Variants in PARN observed in about 807,000 individuals in gnomAD.
PARN encodes poly(A)-specific ribonuclease PARN.
A neutral mutation model predicts 102.8 loss-of-function variants in PARN; 71 were observed. The observed-to-expected ratio is 0.69, with a 90% CI of 0.57 to 0.84. PARN has a LOEUF of 0.84. Ranked by LOEUF, PARN falls within the 40% of genes least tolerant of loss-of-function variation. The probability of loss-of-function intolerance (pLI) is 0.00; values close to 1 mark genes in which losing one functional copy is unlikely to be tolerated. For synonymous variants in PARN, 261 were observed against 252.9 expected, an observed-to-expected ratio of 1.03 and a Z score of -0.30; for missense variants, 782 against 760.9, an observed-to-expected ratio of 1.03 and a Z score of -0.33.
At chr16:14,586,130 C>A (rs1355433788) in intron 14 of PARN, among the ~76,000 whole-genome samples, 188 bp downstream of exon 14, 1 of 152,066 alleles carries the variant, frequency 6.6e-6, no homozygotes, top group East Asian at 1.9e-4. Flanking sequence ...ACGTATCCCA[C>A]CACACCCAGC....
At chr16:14,573,449 A>C (rs1053227152) in intron 18 of PARN, among the ~76,000 whole-genome samples, 2 of 152,180 alleles carry the variant, frequency 1.3e-5, no homozygotes, top group Non-Finnish European at 2.9e-5. Flanking sequence ...CCTTTGACCA[A>C]TATCTCCCCA....
At position 14,581,747 on chromosome 16, in the gene PARN, C is replaced by G. The variant is rs549655765; in HGVS notation, c.1192+434G>C. ...TCAGCCTGGTTAACACAGCAAGACC[C>G]TGTCTCTATAAAAAAATTAAAAAGT... On this transcript the variant is annotated intron_variant, in intron 17 of 23. Transcript: ENST00000437198. Among the ~76,000 whole-genome samples, 326 of 152,210 alleles carry G rather than the reference C, an allele frequency of 2.1e-3. 3 individuals are homozygous for G. The highest frequency in any genetic ancestry group is 7.4e-3 in the African/African-American group (307 of 41,536).
intron 21 of PARN, among the ~76,000 whole-genome samples, chr16:14,520,147 A>T (rs1172183983): frequency 6.6e-6 from 1 of 152,228 alleles, no homozygotes; most frequent in Non-Finnish European, 1.5e-5. Context: ...TACAATCAGT[A>T]AAGTTCAGAC....
At chr16:14,625,069 T>C (rs1972560127) in intron 5 of PARN, among the ~76,000 whole-genome samples, 2 of 152,026 alleles carry the variant, frequency 1.3e-5, no homozygotes, top group Non-Finnish European at 2.9e-5. Context: ...CCCTCTGCTT[T>C]TGTTTGATTA....
At chr16:14,466,230 C>A (rs1387068290) in intron 22 of PARN, among the ~76,000 whole-genome samples, 1 of 152,150 alleles carries the variant, frequency 6.6e-6, no homozygotes, top group Non-Finnish European at 1.5e-5. Context: ...AAGTGGTTGT[C>A]TCTGAGGGAC....
At chr16:14,598,854 T>C (rs1344577828) in intron 12 of PARN, among the ~76,000 whole-genome samples, 1 of 152,044 alleles carries the variant, frequency 6.6e-6, no homozygotes, top group Non-Finnish European at 1.5e-5. Context: ...GCCTTAAAGC[T>C]TCCCTGATGC....
intron 23 of PARN, among the ~76,000 whole-genome samples, chr16:14,442,196 C>T (rs769412976): frequency 5.3e-5 from 8 of 152,080 alleles, no homozygotes; most frequent in Non-Finnish European, 1.0e-4. Flanking sequence ...ACCATCCATG[C>T]GGCCCTGAGA....
At chr16:14,451,843 TAAAAAAA>T in intron 22 of PARN, among the ~76,000 whole-genome samples, 1 of 54,602 alleles carries the variant, frequency 1.8e-5, no homozygotes, top group African/African-American at 6.5e-5. Context: ...ACCCCGTCTC[TAAAAAAA>T]AAAAAAAAAA....
chr16:14,460,290 G>A (rs1961894255), intron 22 of PARN, among the ~76,000 whole-genome samples: 1 of 152,128 alleles, frequency 6.6e-6, no homozygotes, highest in Non-Finnish European at 1.5e-5. Context: ...TTTAAAGAAA[G>A]CTTCCAACAT....
intron 21 of PARN, among the ~76,000 whole-genome samples, chr16:14,533,309 G>A (rs1414712076): frequency 1.3e-5 from 2 of 152,140 alleles, no homozygotes; most frequent in African/African-American, 2.4e-5. Flanking sequence ...GGCAGGCCGA[G>A]GCAGGAGAAT....
chr16:14,617,030 A>G (rs1463057298), intron 6 of PARN, among the ~76,000 whole-genome samples: 1 of 150,624 alleles, frequency 6.6e-6, no homozygotes, highest in Non-Finnish European at 1.5e-5. Context: ...ATGAAGTAGT[A>G]TCTATTCTGT....
intron 18 of PARN, among the ~76,000 whole-genome samples, chr16:14,573,128 T>C (rs1853983801): frequency 6.6e-6 from 1 of 152,028 alleles, no homozygotes; most frequent in Non-Finnish European, 1.5e-5. Flanking sequence ...GCAATCCACC[T>C]CCCTGGCCTC....
intron 13 of PARN, among the ~76,000 whole-genome samples, chr16:14,586,778 T>C (rs1025568030): frequency 5.3e-5 from 8 of 152,218 alleles, no homozygotes; most frequent in Non-Finnish European, 7.3e-5. Flanking sequence ...TTAAATTAAA[T>C]GGTTTACACA....
At chr16:14,525,799 C>T (rs984129175) in intron 21 of PARN, among the ~76,000 whole-genome samples, 2 of 152,270 alleles carry the variant, frequency 1.3e-5, no homozygotes, top group South Asian at 4.1e-4. Flanking sequence ...AGGAAGGACA[C>T]TGAGTGTTCT....
chr16:14,505,787 T>A (rs1346017574), intron 21 of PARN, among the ~76,000 whole-genome samples: 1 of 152,204 alleles, frequency 6.6e-6, no homozygotes, highest in Admixed American at 6.5e-5. Context: ...ATAATTCTAG[T>A]GTCAGCTTTG....
intron 21 of PARN, among the ~76,000 whole-genome samples, chr16:14,528,941 T>G (rs1966163314): frequency 6.6e-6 from 1 of 152,200 alleles, no homozygotes. Flanking sequence ...GATCTTTCCC[T>G]GCAAGAAACG....
chr16:14,538,464 G>A (rs181384139), intron 21 of PARN, among the ~76,000 whole-genome samples: 2 of 151,706 alleles, frequency 1.3e-5, no homozygotes, highest in Non-Finnish European at 2.9e-5. Flanking sequence ...AAGTGATAAC[G>A]CCTGCCTCAG....
intron 23 of PARN, among the ~76,000 whole-genome samples, chr16:14,438,132 G>C (rs1464583691): frequency 6.6e-6 from 1 of 152,108 alleles, no homozygotes; most frequent in Non-Finnish European, 1.5e-5. Flanking sequence ...GGACTCATGG[G>C]GTCCAGTGAA....
intron 21 of PARN, among the ~76,000 whole-genome samples, chr16:14,544,784 CATGAAA>C (rs1966868392): frequency 6.6e-6 from 1 of 152,084 alleles, no homozygotes; most frequent in East Asian, 1.9e-4. Context: ...AAATACATGA[CATGAAA>C]ATTGACAAGA....
Sources: gnomAD v4.1 joint callset for allele counts (sites outside exome capture counted in the v4.1 genomes callset) on GRCh38, gnomAD v4.1.1 for gene constraint, MANE v1.5 for transcripts, NCBI Gene and HGNC (gene_info 2026-07-23, HGNC 2026-07-21) for gene names.